CFAP44: variants seen among roughly 807,000 people sequenced by gnomAD.
CFAP44 encodes the protein cilia- and flagella-associated protein 44.
Under a neutral mutation model 216.2 loss-of-function variants are expected in CFAP44, and 134 were observed. The ratio of observed to expected loss-of-function variants is 0.62; its 90% CI spans 0.54 to 0.72. The LOEUF (loss-of-function observed/expected upper bound fraction) is 0.72, where lower values mean the gene tolerates loss of function less well. CFAP44 is among the 30% of genes least tolerant of loss of function. CFAP44 has a pLI of 0.00. For synonymous variants in CFAP44, 700 were observed against 727.6 expected (o/e 0.96, Z 0.61); for missense variants, 2,035 against 2,182.1 (o/e 0.93, Z 1.34).
At chr3:113,392,523 T>A (rs1410436121) in intron 15 of CFAP44, among the ~76,000 whole-genome samples, 1 of 152,166 alleles carries the variant, frequency 6.6e-6, no homozygotes, top group Non-Finnish European at 1.5e-5. Flanking sequence ...TAGTCAATAA[T>A]AACTTATTGC....
intron 2 of CFAP44, chr3:113,432,200 G>C (rs1406669276): frequency 6.6e-6 from 1 of 152,142 alleles, no homozygotes; most frequent in Non-Finnish European, 1.5e-5. Flanking sequence ...GTGTGGATAG[G>C]TTATTATCAA....
intron 15 of CFAP44, among the ~76,000 whole-genome samples, chr3:113,385,617 T>C (rs1266680745): frequency 6.6e-6 from 1 of 152,056 alleles, no homozygotes; most frequent in African/African-American, 2.4e-5. Flanking sequence ...CCTATGGTGT[T>C]ATACAGGTCT....
intron 4 of CFAP44, among the ~76,000 whole-genome samples, chr3:113,420,929 T>C (rs1201328264): frequency 2.0e-5 from 3 of 152,140 alleles, no homozygotes; most frequent in Non-Finnish European, 2.9e-5. Context: ...AACTAGTGTG[T>C]GTGTATATGT....
intron 15 of CFAP44, among the ~76,000 whole-genome samples, chr3:113,382,408 C>T (rs1005650890): frequency 2.0e-5 from 3 of 152,054 alleles, no homozygotes; most frequent in Admixed American, 1.3e-4. Context: ...GACTAGAAGT[C>T]AGGTAAGAGC....
chr3:113,334,940 C>T (rs1201920221), intron 24 of CFAP44, among the ~76,000 whole-genome samples: 1 of 152,084 alleles, frequency 6.6e-6, no homozygotes, highest in Non-Finnish European at 1.5e-5. Flanking sequence ...ATAGCTCTCA[C>T]AGGAAACCCA....
chr3:113,379,485 T>C lies in CFAP44; in HGVS notation c.2119A>G (p.Arg707Gly), dbSNP rs1443584639. The C allele has an allele frequency of 1.2e-6, 2 of 1,609,024 alleles. No individual in the cohort carries two copies. Among genetic ancestry groups the C allele is most frequent in the Non-Finnish European group, 1.7e-6 (2 of 1,175,616 alleles). The change falls in exon 17 of 35, where the codon AGG becomes GGG. Residue 707 changes from arginine (R) to glycine (G), a missense_variant. Around this residue, in one of 3 missense-constraint regions of CFAP44, gnomAD observed 1,883 missense variants for 2,023.7 expected, o/e 0.93. Coordinates refer to ENST00000393845, the MANE Select transcript of CFAP44 (RefSeq NM_001164496.2). ...CCCATCTCTGCTGCTAGCTTGTTCC[T>C]CCTTTCTTCCCTTATTTTCTCCTTC... ...ELKEKIREER[R>G]NKLAAEMGED...
At chr3:113,405,200 C>T (rs1934244837) in intron 8 of CFAP44, among the ~76,000 whole-genome samples, 1 of 152,132 alleles carries the variant, frequency 6.6e-6, no homozygotes, top group African/African-American at 2.4e-5. Context: ...TTGGGTCTAC[C>T]TATTTTTTAA....
At chr3:113,307,984 AAATAAAT>A (rs1316690703) in intron 29 of CFAP44, among the ~76,000 whole-genome samples, 167 bp downstream of exon 29, 3 of 152,220 alleles carry the variant, frequency 2.0e-5, no homozygotes, top group African/African-American at 7.2e-5. Context: ...TGTCTCAAAA[AAATAAAT>A]AAATATCCTT....
In CFAP44 at chr3:113,401,239, C is replaced by G; in HGVS notation, c.1374+1G>C. The G allele has an allele frequency of 6.3e-7, 1 of 1,583,990 alleles. No individual in the cohort carries two copies. Among genetic ancestry groups the G allele is most frequent in the East Asian group, 2.3e-5 (1 of 43,630 alleles). On this transcript the variant is annotated splice_donor_variant, in intron 11 of 34. Coordinates refer to ENST00000393845, the MANE Select transcript of CFAP44 (RefSeq NM_001164496.2). LOFTEE classifies it high-confidence loss of function. ...GAAAATAAGAATAATAGGCAACTTA[C>G]AATATTTGAAAAACTAAGGTCAAGC...
At position 113,371,303 on chromosome 3, in the gene CFAP44, G is replaced by C. The variant is rs146387973; in HGVS notation, c.2444+2108C>G. 8.9e-3 allele frequency among the ~76,000 whole-genome samples: 1,356 copies of C among 152,282 alleles called. 17 individuals are homozygous for C. Among genetic ancestry groups the C allele is most frequent in the African/African-American group, 0.03 (1,265 of 41,558 alleles). On this transcript the variant is annotated intron_variant, in intron 18 of 34. Coordinates refer to ENST00000393845, the MANE Select transcript of CFAP44 (RefSeq NM_001164496.2). The stretch of plus-strand genomic sequence containing the variant: ...TCCTGAGCAAAAGAACAAAGCTGGA[G>C]GCATCACATTACCTGACTTCAAACT...
In CFAP44 at chr3:113,305,161, A is replaced by T. The variant is rs1203607127; in HGVS notation, c.4759-9T>A. 19 of 1,536,038 alleles carry T rather than the reference A, an allele frequency of 1.2e-5. No homozygotes were observed. The highest frequency in any genetic ancestry group is 1.6e-5 in the Non-Finnish European group (18 of 1,145,950). ...GTTGCCACAATTTTCACCTGTAGAA[A>T]GCCCCGTGTTGTGAAATGGTGACAA... On this transcript the variant is annotated splice_polypyrimidine_tract_variant and intron_variant, in intron 30 of 34. Transcript: ENST00000393845.
chr3:113,342,608 T>G (rs1046956879), intron 23 of CFAP44, among the ~76,000 whole-genome samples: 3 of 152,072 alleles, frequency 2.0e-5, no homozygotes, highest in Non-Finnish European at 4.4e-5. Context: ...ATTCGATACA[T>G]ACAATTTGAG....
chr3:113,411,993 C>A (rs1433769777), intron 6 of CFAP44, among the ~76,000 whole-genome samples: 1 of 151,968 alleles, frequency 6.6e-6, no homozygotes, highest in South Asian at 2.1e-4. Flanking sequence ...GATTTTGTAT[C>A]CTGAGACTTT....
rs1178743839 is a variant in CFAP44 at position 113,291,672 on chromosome 3, G to A, written c.5450C>T (p.Ala1817Val). The change falls in exon 35 of 35, where the codon GCG (alanine) becomes GTG (valine). Residue 1817 changes from alanine to valine, a missense_variant. Ala to Val is a moderately conservative substitution (Grantham distance 64). This residue lies in a region of CFAP44 where 1,883 missense variants were observed against 2,023.7 expected (regional missense o/e 0.93). Transcript: ENST00000393845. Reference protein sequence around the residue: ...EEVTELIQLQAERISALKEEI... With the variant: ...EEVTELIQLQVERISALKEEI... ...CTCCTTTAAGGCCGAAATCCTTTCC[G>A]CCTGGAGTTGGATCAATTCAGTGAC... is the stretch of plus-strand genomic sequence containing the variant. 2.7e-5 allele frequency: 42 copies of A among 1,537,126 alleles called. No homozygotes were observed. The highest frequency in any genetic ancestry group is 4.9e-5 in the East Asian group (2 of 40,930).
At chr3:113,319,648 A>G (rs543915892) in intron 28 of CFAP44, among the ~76,000 whole-genome samples, 111 of 152,130 alleles carry the variant, frequency 7.3e-4, no homozygotes, top group Non-Finnish European at 1.1e-3. Context: ...TCTCATCTGC[A>G]CACAGAATAT....
chr3:113,392,593 T>C (rs1933873052), intron 15 of CFAP44, among the ~76,000 whole-genome samples: 1 of 152,198 alleles, frequency 6.6e-6, no homozygotes, highest in African/African-American at 2.4e-5. Flanking sequence ...GGATAAATGC[T>C]TGAGGTGACG....
At chr3:113,369,869 T>G (rs1933092244) in intron 18 of CFAP44, among the ~76,000 whole-genome samples, 1 of 152,040 alleles carries the variant, frequency 6.6e-6, no homozygotes, top group Non-Finnish European at 1.5e-5. Flanking sequence ...AGGAATCAAA[T>G]AGATGCAATA....
intron 22 of CFAP44, among the ~76,000 whole-genome samples, chr3:113,345,049 C>T (rs974052196): frequency 6.7e-6 from 1 of 148,482 alleles, no homozygotes; most frequent in Admixed American, 6.7e-5. Context: ...AAATAGAATC[C>T]ATCTCCCTAC....
intron 5 of CFAP44, among the ~76,000 whole-genome samples, chr3:113,418,058 A>G (rs1934696670): frequency 3.5e-5 from 1 of 28,742 alleles, no homozygotes; most frequent in Non-Finnish European, 6.1e-5. Context: ...TTGAGACACA[A>G]TTTATTTATT....
Sources: gnomAD v4.1 joint callset for allele counts (sites outside exome capture counted in the v4.1 genomes callset) on GRCh38, gnomAD v4.1.1 for gene constraint, gnomAD v4.1.1 regional missense constraint, MANE v1.5 for transcripts, NCBI Gene and HGNC (gene_info 2026-07-23, HGNC 2026-07-21) for gene names.